STARD13: variants seen among roughly 807,000 people sequenced by gnomAD.
STARD13 encodes stAR-related lipid transfer protein 13.
STARD13 carries 62 observed loss-of-function variants against 106.4 expected under a neutral mutation model. That is an observed-to-expected ratio of 0.58 (90% CI 0.48 to 0.72). The LOEUF (loss-of-function observed/expected upper bound fraction) is 0.72. Ranked by LOEUF, STARD13 falls within the 30% of genes least tolerant of loss-of-function variation. The probability of loss-of-function intolerance (pLI) is 0.00; values close to 1 mark genes in which losing one functional copy is unlikely to be tolerated. For synonymous variants in STARD13, 565 were observed against 553.0 expected (o/e 1.02, Z -0.31); for missense variants, 1,387 against 1,424.0 (o/e 0.97, Z 0.42).
chr13:33,380,835 G>A, the STARD13 span, among the ~76,000 whole-genome samples: 40 of 152,300 alleles, frequency 2.6e-4, no homozygotes, highest in African/African-American at 8.7e-4. Flanking sequence ...GAAGGGGGGT[G>A]TGTTCAAGGT....
intron 1 of STARD13, among the ~76,000 whole-genome samples, chr13:33,270,229 C>A (rs1025355181): frequency 2.6e-5 from 4 of 152,028 alleles, no homozygotes. Context: ...GAGTGAGACT[C>A]GGCCTAAAAC....
chr13:33,543,881 G>A, the STARD13 span, among the ~76,000 whole-genome samples: 1 of 152,176 alleles, frequency 6.6e-6, no homozygotes, highest in Admixed American at 6.5e-5. Context: ...CAGGACAGAC[G>A]GTACTAAAAT....
the STARD13 span, among the ~76,000 whole-genome samples, chr13:33,537,196 C>A: frequency 6.6e-6 from 1 of 152,138 alleles, no homozygotes; most frequent in African/African-American, 2.4e-5. Context: ...GTTATTGTTT[C>A]ATTGGTTTTG....
At chr13:33,370,853 T>G in the STARD13 span, among the ~76,000 whole-genome samples, 2 of 152,058 alleles carry the variant, frequency 1.3e-5, no homozygotes, top group Admixed American at 1.3e-4. Flanking sequence ...ACTCCTGACC[T>G]CAGGTGATCC....
chr13:33,628,694 G>C, the STARD13 span, among the ~76,000 whole-genome samples: 5 of 152,210 alleles, frequency 3.3e-5, no homozygotes, highest in African/African-American at 1.2e-4. Context: ...TGGCACAGCA[G>C]ATGGGAATGA....
chr13:33,233,102 C>T (rs1889007013), intron 1 of STARD13, among the ~76,000 whole-genome samples: 1 of 152,230 alleles, frequency 6.6e-6, no homozygotes, highest in African/African-American at 2.4e-5. Context: ...AGCCAAATGC[C>T]TCAGCAGATA....
At chr13:33,112,970 C>A in intron 8 of STARD13, 39 bp from the exon 9 acceptor site, 1 of 1,522,846 alleles carries the variant, frequency 6.6e-7, no homozygotes, top group Non-Finnish European at 8.9e-7. Flanking sequence ...GAGGAGCAGA[C>A]ATAGAAAGAG....
At chr13:33,654,756 C>G in the STARD13 span, 1 of 152,152 alleles carries the variant, frequency 6.6e-6, no homozygotes, top group East Asian at 1.9e-4. Flanking sequence ...CCTGATTTTA[C>G]CTTGGTTAGT....
chr13:33,240,768 A>ATTTTATCCTTAAGGATCCTTAAGTT (rs1233528250), intron 1 of STARD13, among the ~76,000 whole-genome samples: 2 of 151,856 alleles, frequency 1.3e-5, no homozygotes, highest in East Asian at 3.9e-4. Context: ...ATCCTTAAGT[A>ATTTTATCCTTAAGGATCCTTAAGTT]TTTTATCCTT....
chr13:33,142,601 C>T (rs948709837), intron 3 of STARD13, among the ~76,000 whole-genome samples: 2 of 152,208 alleles, frequency 1.3e-5, no homozygotes, highest in Non-Finnish European at 2.9e-5. Context: ...CCTGCCTTTT[C>T]CCTAATCTAA....
chr13:33,324,409 G>T lies in STARD13; in HGVS notation c.124+25881C>A, dbSNP rs574603159. ...AGGGCTGATACTGAACTTAGAAACT[G>T]GATTTATTTTATCCAGAATTAAAAG... On this transcript the variant is annotated intron_variant, in intron 1 of 5. Transcript: ENST00000567873. Among the ~76,000 whole-genome samples, 64 of 152,152 alleles carry T rather than the reference G, an allele frequency of 4.2e-4. 2 individuals are homozygous for T. Among genetic ancestry groups the T allele is most frequent in the Non-Finnish European group, 3.2e-4 (22 of 67,990 alleles).
At chr13:33,189,686 C>T (rs1439033297) in intron 1 of STARD13, among the ~76,000 whole-genome samples, 2 of 151,736 alleles carry the variant, frequency 1.3e-5, no homozygotes, top group African/African-American at 4.8e-5. Context: ...ACAGCTATTT[C>T]GCTAATCAGA....
chr13:33,518,665 G>C, the STARD13 span, among the ~76,000 whole-genome samples: 1 of 152,132 alleles, frequency 6.6e-6, no homozygotes, highest in Admixed American at 6.5e-5. Flanking sequence ...CTGAGTAGAG[G>C]CAAGTGGCAC....
chr13:33,407,167 A>C, the STARD13 span, among the ~76,000 whole-genome samples: 1 of 152,214 alleles, frequency 6.6e-6, no homozygotes, highest in African/African-American at 2.4e-5. Flanking sequence ...CTGGCTACAA[A>C]GACTAAAGGC....
intron 1 of STARD13, among the ~76,000 whole-genome samples, chr13:33,212,863 C>G (rs1887805280): frequency 1.3e-5 from 2 of 152,190 alleles, no homozygotes; most frequent in Non-Finnish European, 1.5e-5. Context: ...AGTTACCTTT[C>G]CTTATAAAAT....
At chr13:33,453,236 A>G in the STARD13 span, among the ~76,000 whole-genome samples, 4 of 152,350 alleles carry the variant, frequency 2.6e-5, no homozygotes, top group African/African-American at 9.6e-5. Context: ...CCAAACAAAC[A>G]AAAACAACAA....
chr13:33,579,362 A>G, the STARD13 span, among the ~76,000 whole-genome samples: 112 of 152,216 alleles, frequency 7.4e-4, no homozygotes, highest in Admixed American at 1.6e-3. Context: ...ATGGAGCTGG[A>G]GGCCATTATT....
At chr13:33,499,433 C>A in the STARD13 span, among the ~76,000 whole-genome samples, 1 of 152,102 alleles carries the variant, frequency 6.6e-6, no homozygotes, top group African/African-American at 2.4e-5. Context: ...TGCAGATGGC[C>A]ACTTTGTTGC....
At chr13:33,172,847 G>A (rs1021492585) in intron 1 of STARD13, among the ~76,000 whole-genome samples, 3 of 152,102 alleles carry the variant, frequency 2.0e-5, no homozygotes, top group Non-Finnish European at 2.9e-5. Context: ...CATTACATAC[G>A]AGCACATGTA....
Sources: allele counts gnomAD v4.1 joint callset (sites outside exome capture counted in the v4.1 genomes callset), GRCh38; gene constraint gnomAD v4.1.1; transcripts MANE v1.5; gene names NCBI Gene and HGNC (gene_info 2026-07-23, HGNC 2026-07-21).